Variants in PERM1 observed in about 807,000 individuals in gnomAD.
PERM1 encodes the protein PGC-1 and ERR-induced regulator in muscle protein 1.
A neutral mutation model predicts 44.1 loss-of-function variants in PERM1; 45 were observed. The ratio of observed to expected loss-of-function variants is 1.02; its 90% CI spans 0.80 to 1.31. The LOEUF (loss-of-function observed/expected upper bound fraction) is 1.31, where lower values mean the gene tolerates loss of function less well. Among genes scored for constraint, PERM1 ranks in the 50% most tolerant of loss-of-function variants. PERM1 has a pLI of 0.00. For synonymous variants in PERM1, 565 were observed against 477.1 expected (o/e 1.18, Z -2.40); for missense variants, 1,189 against 1,106.9 (o/e 1.07, Z -1.05).
At chr1:979,388 G>A (rs1643720792) in exon 1 of PERM1, 1 of 1,508,220 alleles carries the variant, frequency 6.6e-7, no homozygotes, top group East Asian at 2.5e-5. Flanking sequence ...TGGGGCCGGG[G>A]CCCGACAGCC....
At chr1:981,063 A>G (rs1430935824), upstream of PERM1, 1 of 1,543,840 alleles carries the variant, frequency 6.5e-7, no homozygotes, top group Non-Finnish European at 8.7e-7. Context: ...GGGTAGCAGA[A>G]TGGGTCCGGT....
At chr1:979,556 C>A in exon 1 of PERM1, 1 of 1,549,974 alleles carries the variant, frequency 6.5e-7, no homozygotes, top group South Asian at 1.2e-5. Context: ...AGACCCAGTG[C>A]GGGTGCCCCA....
At chr1:981,427 C>T (rs576202045), upstream of PERM1, among the ~76,000 whole-genome samples, 1 of 152,354 alleles carries the variant, frequency 6.6e-6, no homozygotes, top group East Asian at 1.9e-4. Context: ...AGCCTCACCT[C>T]CTCCACCTTC....
At chr1:981,094 C>A, upstream of PERM1, 2 of 1,548,338 alleles carry the variant, frequency 1.3e-6, no homozygotes, top group South Asian at 1.2e-5. Context: ...TGGGTTCAGG[C>A]CCCGGGCACC....
chr1:979,224 C>A, exon 1 of PERM1: 2 of 1,550,120 alleles, frequency 1.3e-6, no homozygotes, highest in Non-Finnish European at 1.7e-6. Context: ...CCTGACCGGC[C>A]GCTGCCGCCT....
At chr1:979,070 T>C (rs1287924685) in exon 1 of PERM1, 4 of 1,547,794 alleles carry the variant, frequency 2.6e-6, no homozygotes, top group East Asian at 2.4e-5. Context: ...GGGATGGAGA[T>C]GGGCACGGGG....
At chr1:976,307 GGCTGTC>G in intron 2 of PERM1, 38 bp from the exon 4 acceptor site, 1 of 1,471,150 alleles carries the variant, frequency 6.8e-7, no homozygotes, top group Non-Finnish European at 9.0e-7. Flanking sequence ...GGGCCAGCCT[GGCTGTC>G]GGCACCGTCT....
At chr1:979,585 C>G (rs1351338490) in exon 1 of PERM1, 1 of 1,550,002 alleles carries the variant, frequency 6.5e-7, no homozygotes, top group Non-Finnish European at 8.7e-7. Flanking sequence ...TCCGGGGGCC[C>G]CTGCTGAGGG....
At chr1:980,492 G>A (rs1643767262) in exon 1 of PERM1, 1 of 1,505,300 alleles carries the variant, frequency 6.6e-7, no homozygotes, top group Non-Finnish European at 8.9e-7. Context: ...TTTCGGCTGG[G>A]GCTCCGTGGT....
exon 1 of PERM1, chr1:979,673 C>A (rs762911785): frequency 7.1e-6 from 11 of 1,550,148 alleles, no homozygotes; most frequent in East Asian, 2.4e-5. Flanking sequence ...CCAGCGGCGT[C>A]GGCTCTGGGA....
At chr1:979,268 A>G in exon 1 of PERM1, 1 of 1,549,826 alleles carries the variant, frequency 6.5e-7, no homozygotes, top group African/African-American at 1.4e-5. Flanking sequence ...GTGTCACAGA[A>G]GAAGAACTCG....
chr1:976,433 T>A, intron 2 of PERM1, 66 bp downstream of exon 3: 1 of 1,547,370 alleles, frequency 6.5e-7, no homozygotes, highest in South Asian at 1.2e-5. Flanking sequence ...CGTGCACCCC[T>A]CGTCCTGCCA....
exon 1 of PERM1, chr1:979,725 C>A: frequency 6.5e-7 from 1 of 1,550,322 alleles, no homozygotes; most frequent in Non-Finnish European, 8.7e-7. Flanking sequence ...TCATCCTCGG[C>A]ACAGCCTCCG....
At chr1:980,201 G>T (rs1219538873) in exon 1 of PERM1, 2 of 1,550,344 alleles carry the variant, frequency 1.3e-6, no homozygotes, top group Non-Finnish European at 1.7e-6. Flanking sequence ...ACTGTGTGCA[G>T]CTTGGCTCGG....
At chr1:980,763 C>T in exon 1 of PERM1, 1 of 1,405,970 alleles carries the variant, frequency 7.1e-7, no homozygotes, top group Non-Finnish European at 9.2e-7. Context: ...CAGGCTCACC[C>T]TGAGACCTGC....
intron 1 of PERM1, among the ~76,000 whole-genome samples, chr1:978,425 C>T (rs1643686043): frequency 6.6e-6 from 1 of 152,210 alleles, no homozygotes; most frequent in East Asian, 1.9e-4. Flanking sequence ...GTCGGAGTCA[C>T]ATCGCCCCCG....
exon 1 of PERM1, chr1:979,261 T>C (rs1263234266): frequency 1.9e-5 from 29 of 1,549,692 alleles, no homozygotes; most frequent in Non-Finnish European, 2.5e-5. Context: ...CTCGATGGTG[T>C]CACAGAAGAA....
chr1:981,284 G>A (rs915338900), upstream of PERM1: 18 of 1,082,360 alleles, frequency 1.7e-5, no homozygotes, highest in Non-Finnish European at 2.2e-5. Flanking sequence ...AGTTCCCAAC[G>A]CACCCCAAAT....
At chr1:981,541 T>C (rs1390307697), upstream of PERM1, among the ~76,000 whole-genome samples, 1 of 152,226 alleles carries the variant, frequency 6.6e-6, no homozygotes, top group East Asian at 1.9e-4. Context: ...GCGCCCCAGC[T>C]GGCAGCCGGC....
Sources: gnomAD v4.1 joint callset for allele counts (sites outside exome capture counted in the v4.1 genomes callset) on GRCh38, gnomAD v4.1.1 for gene constraint, MANE v1.5 for transcripts, NCBI Gene and HGNC (gene_info 2026-07-23, HGNC 2026-07-21) for gene names.